Variants in RIMBP2 observed in about 807,000 individuals in gnomAD.
RIMBP2 encodes the protein RIMS-binding protein 2.
Under a neutral mutation model 118.6 loss-of-function variants are expected in RIMBP2, and 48 were observed. That is an observed-to-expected ratio of 0.40 (90% confidence interval 0.32 to 0.51). The LOEUF (loss-of-function observed/expected upper bound fraction) is 0.51. Among genes scored for constraint, RIMBP2 ranks in the 20% least tolerant of loss-of-function variants. The pLI, the probability that RIMBP2 is intolerant of heterozygous loss-of-function variation, is 0.41. For synonymous variants in RIMBP2, 762 were observed against 742.9 expected (o/e 1.03, Z -0.42); for missense variants, 1,551 against 1,768.3 (o/e 0.88, Z 2.20).
rs1357815439 is a variant in RIMBP2, at chr12:130,523,244, C to A, written c.-216-5327G>T. ...GCCTCCATCTCTCTCTGTCCCCTAC[C>A]CACTACCTGGCCGTGTGAGGACACA... On this transcript the variant is annotated intron_variant, in intron 2 of 22. Coordinates refer to ENST00000690449, the MANE Select transcript of RIMBP2 (RefSeq NM_001393629.1). The surrounding 1 kb of genome is among the most constrained non-coding windows in gnomAD (Gnocchi z 4.4). 6.6e-6 allele frequency among the ~76,000 whole-genome samples: 1 copy of A among 152,154 alleles called. No homozygotes were observed. The highest frequency in any genetic ancestry group is 1.5e-5 in the Non-Finnish European group (1 of 68,042).
At chr12:130,567,393 G>A (rs1036679437) in intron 2 of RIMBP2, among the ~76,000 whole-genome samples, 3 of 152,162 alleles carry the variant, frequency 2.0e-5, no homozygotes, top group Admixed American at 2.0e-4. Flanking sequence ...TGAAAAATGC[G>A]AGTTCATGAC....
intron 2 of RIMBP2, among the ~76,000 whole-genome samples, chr12:130,531,161 T>C (rs905012507): frequency 2.0e-4 from 30 of 152,204 alleles, no homozygotes; most frequent in African/African-American, 7.2e-4. Flanking sequence ...TCCAGATGGA[T>C]TTTTTCAGAT....
chr12:130,410,838 T>C (rs2136447463), intron 19 of RIMBP2, among the ~76,000 whole-genome samples: 1 of 152,358 alleles, frequency 6.6e-6, no homozygotes, highest in Non-Finnish European at 1.5e-5. Flanking sequence ...TTTTGGCTAC[T>C]CTAGTTCCTT....
intron 1 of RIMBP2, among the ~76,000 whole-genome samples, chr12:130,649,786 A>G (rs1013890148): frequency 6.6e-6 from 1 of 151,988 alleles, no homozygotes; most frequent in African/African-American, 2.4e-5. Context: ...CAGCACCCGA[A>G]CAGGGAGGGG....
intron 2 of RIMBP2, among the ~76,000 whole-genome samples, chr12:130,626,438 C>T (rs1287964989): frequency 6.9e-6 from 1 of 145,872 alleles, no homozygotes; most frequent in East Asian, 2.0e-4. Context: ...CCATGACTAC[C>T]ACTGGCATCA....
At chr12:130,444,738 C>T (rs1339898146) in intron 10 of RIMBP2, among the ~76,000 whole-genome samples, 1 of 152,290 alleles carries the variant, frequency 6.6e-6, no homozygotes, top group East Asian at 1.9e-4. Context: ...CCACAGGTGC[C>T]AAGAGCCACC....
At chr12:130,668,713 T>C (rs34266453) in intron 1 of RIMBP2, among the ~76,000 whole-genome samples, 48,986 of 152,240 alleles carry the variant, frequency 0.32, 8,201 homozygotes, top group Non-Finnish European at 0.38. Context: ...AGCAGCTGCA[T>C]GGCCGGCTCT....
At chr12:130,682,440 C>G (rs1460661834) in intron 1 of RIMBP2, among the ~76,000 whole-genome samples, 2 of 152,234 alleles carry the variant, frequency 1.3e-5, no homozygotes, top group African/African-American at 4.8e-5. Flanking sequence ...CCCAGAGTTC[C>G]TGGATTTTTG....
rs975609081 is a variant in RIMBP2 at position 130,434,616 on chromosome 12, C to T, written c.2253+118G>A. On this transcript the variant is annotated intron_variant, in intron 14 of 22. Coordinates refer to ENST00000690449, the MANE Select transcript of RIMBP2 (RefSeq NM_001393629.1). The surrounding 1 kb of genome is among the most constrained non-coding windows in gnomAD (Gnocchi z 5.7). ...ACTTAGGACCCCAGCTGGGCGTCTCCATCTCTCTCAGGGACCCAAGGGTAG... is the reference window on the plus strand; with the variant it reads ...ACTTAGGACCCCAGCTGGGCGTCTCTATCTCTCTCAGGGACCCAAGGGTAG... 11 of 1,129,748 alleles carry T rather than the reference C, an allele frequency of 9.7e-6. No individual in the cohort carries two copies. The African/African-American group carries it at 1.7e-4, about 18-fold the overall frequency. 70.0% of individuals were successfully genotyped at this position (1,129,748 alleles called of 1,614,324 possible). A position where few individuals can be genotyped will look rare whatever the true frequency, so the allele number is the denominator to read the frequency against.
chr12:130,714,839 C>G (rs1950214097), intron 1 of RIMBP2, among the ~76,000 whole-genome samples: 1 of 152,188 alleles, frequency 6.6e-6, no homozygotes, highest in Non-Finnish European at 1.5e-5. Context: ...CACAGCCCAG[C>G]GGGGGATGAG....
chr12:130,432,366 C>T (rs1292827523), intron 14 of RIMBP2: 1 of 453,186 alleles, frequency 2.2e-6, no homozygotes, highest in Non-Finnish European at 4.4e-6. Context: ...GCACTTACTA[C>T]TTGCCAGTTG....
chr12:130,497,202 A>T (rs2049268722), intron 4 of RIMBP2, among the ~76,000 whole-genome samples: 1 of 152,060 alleles, frequency 6.6e-6, no homozygotes, highest in Admixed American at 6.5e-5. Context: ...TTACATCTCC[A>T]AACACACTAT....
chr12:130,545,111 T>A (rs982699427), intron 2 of RIMBP2, among the ~76,000 whole-genome samples: 1 of 152,250 alleles, frequency 6.6e-6, no homozygotes, highest in Non-Finnish European at 1.5e-5. Context: ...GGGGACTAAA[T>A]TGTACCTATA....
chr12:130,699,883 T>G (rs1593032443), intron 1 of RIMBP2, among the ~76,000 whole-genome samples: 1 of 119,116 alleles, frequency 8.4e-6, no homozygotes, highest in Admixed American at 1.1e-4. Flanking sequence ...CCAGCCTGGG[T>G]GATGGTGTGA....
intron 17 of RIMBP2, among the ~76,000 whole-genome samples, chr12:130,418,542 G>T (rs2076233557): frequency 6.6e-6 from 1 of 152,146 alleles, no homozygotes; most frequent in Non-Finnish European, 1.5e-5. Context: ...TCTAGTGAAT[G>T]CAGTTCCAGG....
chr12:130,594,951 T>C (rs2059467600), intron 2 of RIMBP2, among the ~76,000 whole-genome samples: 1 of 152,220 alleles, frequency 6.6e-6, no homozygotes, highest in African/African-American at 2.4e-5. Flanking sequence ...TGGTAATTAT[T>C]GTAATGGTGG....
intron 1 of RIMBP2, among the ~76,000 whole-genome samples, chr12:130,629,807 T>G (rs1241036646): frequency 6.6e-6 from 1 of 151,672 alleles, no homozygotes; most frequent in Non-Finnish European, 1.5e-5. Flanking sequence ...TACCCTGGAG[T>G]GAGCTCACCA....
intron 1 of RIMBP2, among the ~76,000 whole-genome samples, chr12:130,713,262 GA>G (rs1566477311): frequency 4.1e-5 from 6 of 148,010 alleles, no homozygotes; most frequent in Non-Finnish European, 9.0e-5. Context: ...AGGAAGGAAG[GA>G]AGGAAGGAAG....
At chr12:130,467,370 C>T (rs571851521) in intron 6 of RIMBP2, among the ~76,000 whole-genome samples, 2 of 152,326 alleles carry the variant, frequency 1.3e-5, no homozygotes, top group African/African-American at 4.8e-5. Flanking sequence ...GTAGACCCTG[C>T]CCTCTATGGA....
Sources: allele counts gnomAD v4.1 joint callset (sites outside exome capture counted in the v4.1 genomes callset), GRCh38; gene constraint gnomAD v4.1.1; non-coding constraint Gnocchi (gnomAD v3.1); transcripts MANE v1.5; gene names NCBI Gene and HGNC (gene_info 2026-07-23, HGNC 2026-07-21).